PAX7: variants seen among roughly 807,000 people sequenced by gnomAD.
The protein encoded by PAX7 is paired box 7.
A neutral mutation model predicts 50.7 loss-of-function variants in PAX7; 18 were observed. The ratio of observed to expected loss-of-function variants is 0.36; its 90% CI spans 0.25 to 0.53. The LOEUF is 0.53. Among genes scored for constraint, PAX7 ranks in the 20% least tolerant of loss-of-function variants. The pLI is 0.93. For synonymous variants in PAX7, 310 were observed against 290.4 expected (o/e 1.07, Z -0.69); for missense variants, 644 against 702.9 (o/e 0.92, Z 0.95).
chr1:18,698,309 C>A (rs2100313841), intron 5 of PAX7, among the ~76,000 whole-genome samples: 1 of 142,050 alleles, frequency 7.0e-6, no homozygotes, highest in South Asian at 2.3e-4. Flanking sequence ...ACACTACACA[C>A]AAAGGAAAAC....
At chr1:18,710,500 A>T (rs1425938886) in intron 7 of PAX7, among the ~76,000 whole-genome samples, 1 of 152,002 alleles carries the variant, frequency 6.6e-6, no homozygotes, top group Non-Finnish European at 1.5e-5. Context: ...AGAGATTTGT[A>T]GGCAGGAAGA....
At chr1:18,703,375 C>A in intron 7 of PAX7, 79 bp downstream of exon 7, 1 of 1,302,318 alleles carries the variant, frequency 7.7e-7, no homozygotes, top group Non-Finnish European at 1.1e-6. Flanking sequence ...GGGTGGAAGC[C>A]TTGCGCTCTT....
At chr1:18,694,074 A>T (rs990484231) in intron 5 of PAX7, among the ~76,000 whole-genome samples, 1 of 152,168 alleles carries the variant, frequency 6.6e-6, no homozygotes, top group Non-Finnish European at 1.5e-5. Flanking sequence ...GGGACTCCCC[A>T]TTAGACCAGA....
intron 4 of PAX7, among the ~76,000 whole-genome samples, chr1:18,679,029 T>C (rs2088861522): frequency 6.6e-6 from 1 of 152,178 alleles, no homozygotes; most frequent in Non-Finnish European, 1.5e-5. Context: ...ATGAGCATTG[T>C]AGTGAGGTGT....
At position 18,636,237 on chromosome 1, in the gene PAX7, G is replaced by A. The variant is rs780231726; in HGVS notation, c.452G>A (p.Gly151Asp). The A allele has an allele frequency of 4.3e-6, 7 of 1,613,964 alleles. No homozygotes were observed. In the African/African-American group the frequency reaches 6.7e-5, roughly 15 times the overall value. ...GCTCTTTTGCCTTTGAATTTCTGAGGTTTAGTGAGTTCGATTAGCCGCGTG... is the reference window on the plus strand; with the variant it reads ...GCTCTTTTGCCTTTGAATTTCTGAGATTTAGTGAGTTCGATTAGCCGCGTG... Reference protein sequence around the residue: ...GHCDRSTVPSGLVSSISRVLR... With the variant: ...GHCDRSTVPSDLVSSISRVLR... Residue 151 changes from glycine (G) to aspartate (D), a missense_variant and splice_region_variant, in exon 4 of 9, where the codon GGT becomes GAT. By Grantham distance (94) the Gly-to-Asp change is moderately conservative. Coordinates refer to ENST00000420770, the MANE Select transcript of PAX7 (RefSeq NM_001135254.2). This position sits in a 1 kb window ranked among gnomAD's most constrained non-coding sequence, Gnocchi z 5.1.
At chr1:18,736,270 GC>G in intron 8 of PAX7, 1 of 425,348 alleles carries the variant, frequency 2.4e-6, no homozygotes, top group Non-Finnish European at 4.2e-6. Context: ...TTCAAGACCA[GC>G]CTGGTCAACA....
At chr1:18,635,343 T>A in intron 3 of PAX7, 103 bp downstream of exon 3, 1 of 1,370,304 alleles carries the variant, frequency 7.3e-7, no homozygotes, top group Non-Finnish European at 9.9e-7. Flanking sequence ...GATGGCTGAC[T>A]GTGAACTTAC....
intron 4 of PAX7, among the ~76,000 whole-genome samples, chr1:18,666,180 G>A (rs1039541663): frequency 6.6e-6 from 1 of 152,162 alleles, no homozygotes; most frequent in African/African-American, 2.4e-5. Context: ...AAGAAAGGTG[G>A]TAGTTCATTT....
Position 18,631,181 on chromosome 1 carries a change from C to A in PAX7, c.-423C>A, listed in dbSNP as rs1017251803. On this transcript the variant is annotated 5_prime_UTR_variant, in exon 1 of 9. Transcript: ENST00000420770. ...GCGCCAGAGCGCCAGAGCGCGAGAG[C>A]GCGGCGCTCGCCACTCTGAGGCTGG... is the stretch of plus-strand genomic sequence containing the variant. 1 of 236,736 alleles carries A rather than the reference C, an allele frequency of 4.2e-6. No individual in the cohort carries two copies. The highest frequency in any genetic ancestry group is 2.2e-5 in the African/African-American group (1 of 45,330). 14.7% of individuals were successfully genotyped at this position (236,736 alleles called of 1,614,324 possible). A position where few individuals can be genotyped will look rare whatever the true frequency, so the allele number is the denominator to read the frequency against.
rs537634713 is a variant in PAX7, at chr1:18,699,813, G to A, written c.787-840G>A. ...CCTGACCTCGTGATCCGCCCGCCTCGGCCTCCCAAAGTGCTGGGATTACAG... is the reference window on the plus strand; with the variant it reads ...CCTGACCTCGTGATCCGCCCGCCTCAGCCTCCCAAAGTGCTGGGATTACAG... On this transcript the variant is annotated intron_variant, in intron 5 of 8. Transcript: ENST00000420770. Among the ~76,000 whole-genome samples, 6 of 152,054 alleles carry A rather than the reference G, an allele frequency of 3.9e-5. No homozygotes were observed. The East Asian group carries it at 5.8e-4, about 15-fold the overall frequency.
intron 4 of PAX7, among the ~76,000 whole-genome samples, chr1:18,681,634 C>A (rs774408706): frequency 3.9e-5 from 6 of 152,206 alleles, no homozygotes; most frequent in African/African-American, 7.2e-5. Context: ...GAATGCCCCA[C>A]TGCAGTTTCC....
chr1:18,681,295 C>T (rs1296579107), intron 4 of PAX7, among the ~76,000 whole-genome samples: 2 of 152,120 alleles, frequency 1.3e-5, no homozygotes. Flanking sequence ...GCTGCCACCC[C>T]TTCCAAAACT....
At chr1:18,685,929 C>T (rs2088967699) in intron 4 of PAX7, among the ~76,000 whole-genome samples, 1 of 152,186 alleles carries the variant, frequency 6.6e-6, no homozygotes, top group African/African-American at 2.4e-5. Context: ...ATCACCATCA[C>T]CATCACCACC....
At chr1:18,739,340 A>G (rs1930997724) in intron 8 of PAX7, among the ~76,000 whole-genome samples, 1 of 152,242 alleles carries the variant, frequency 6.6e-6, no homozygotes, top group African/African-American at 2.4e-5. Context: ...CTTCACATGC[A>G]TGTGCATATG....
intron 4 of PAX7, among the ~76,000 whole-genome samples, chr1:18,644,105 C>T (rs960220653): frequency 6.6e-6 from 1 of 152,242 alleles, no homozygotes; most frequent in Admixed American, 6.5e-5. Context: ...AGGCTGCGAA[C>T]GCTGCGGACT....
chr1:18,698,272 TAC>T (rs71018097), intron 5 of PAX7, among the ~76,000 whole-genome samples: 407 of 147,036 alleles, frequency 2.8e-3, no homozygotes, highest in Middle Eastern at 3.5e-3. Context: ...ATTGTTAAAA[TAC>T]ACACACACAC....
At chr1:18,721,177 G>A (rs535342928) in intron 7 of PAX7, among the ~76,000 whole-genome samples, 1 of 152,296 alleles carries the variant, frequency 6.6e-6, no homozygotes, top group East Asian at 1.9e-4. Flanking sequence ...GGCTGCCCGG[G>A]CCTGAACCCC....
chr1:18,731,892 C>T (rs553132144), intron 7 of PAX7, among the ~76,000 whole-genome samples: 27 of 152,310 alleles, frequency 1.8e-4, no homozygotes, highest in Admixed American at 3.9e-4. Context: ...CTTGAGCCAC[C>T]GGGCACCACC....
At chr1:18,641,844 A>G (rs2088260723) in intron 4 of PAX7, among the ~76,000 whole-genome samples, 1 of 152,062 alleles carries the variant, frequency 6.6e-6, no homozygotes, top group African/African-American at 2.4e-5. Context: ...CTGCTCTCGG[A>G]GCTATTTGGC....
Sources: allele counts gnomAD v4.1 joint callset (sites outside exome capture counted in the v4.1 genomes callset), GRCh38; gene constraint gnomAD v4.1.1; non-coding constraint Gnocchi (gnomAD v3.1); transcripts MANE v1.5; gene names NCBI Gene and HGNC (gene_info 2026-07-23, HGNC 2026-07-21).